The following DCHS2 variants were observed in gnomAD, a reference collection of about 807,000 sequenced individuals.
DCHS2 encodes dachsous cadherin-related 2.
DCHS2 carries 142 observed loss-of-function variants against 182.4 expected under a neutral mutation model. The ratio of observed to expected loss-of-function variants is 0.78; its 90% CI spans 0.68 to 0.89. DCHS2 has a LOEUF of 0.89. DCHS2 is among the 40% of genes least tolerant of loss of function. The pLI is 0.00. For synonymous variants in DCHS2, 1,740 were observed against 1,663.3 expected (o/e 1.05, Z -1.12); for missense variants, 4,319 against 4,198.6 (o/e 1.03, Z -0.79).
intron 1 of DCHS2, among the ~76,000 whole-genome samples, chr4:154,408,125 C>G (rs1306830919): frequency 2.0e-5 from 3 of 152,124 alleles, no homozygotes; most frequent in African/African-American, 7.2e-5. Flanking sequence ...AAAGTTAATA[C>G]TAATATAACT....
intron 3 of DCHS2, chr4:154,354,624 G>A (rs1729775778): frequency 6.6e-6 from 1 of 152,134 alleles, no homozygotes; most frequent in South Asian, 2.1e-4. Context: ...GGACACTGCT[G>A]CCAGAATAAT....
At chr4:154,290,515 A>G (rs1413869057) in intron 13 of DCHS2, among the ~76,000 whole-genome samples, 1 of 152,154 alleles carries the variant, frequency 6.6e-6, no homozygotes, top group Non-Finnish European at 1.5e-5. Context: ...AACAAAGGGA[A>G]TCACATTACC....
chr4:154,317,127 G>A (rs1487251617), intron 9 of DCHS2, among the ~76,000 whole-genome samples: 1 of 152,118 alleles, frequency 6.6e-6, no homozygotes, highest in Non-Finnish European at 1.5e-5. Flanking sequence ...AGTTTTGTGA[G>A]AGAAAAAAAT....
At chr4:154,280,488 A>T (rs1205893223) in intron 13 of DCHS2, among the ~76,000 whole-genome samples, 1 of 152,260 alleles carries the variant, frequency 6.6e-6, no homozygotes, top group African/African-American at 2.4e-5. Context: ...AATACTAGCA[A>T]ACATAATTCA....
intron 13 of DCHS2, among the ~76,000 whole-genome samples, chr4:154,293,737 C>G (rs1310297321): frequency 6.6e-6 from 1 of 152,202 alleles, no homozygotes; most frequent in African/African-American, 2.4e-5. Context: ...GAGCTTTCTA[C>G]AACGTCAAGT....
chr4:154,391,318 T>A (rs936963385), intron 1 of DCHS2: 1 of 1,565,344 alleles, frequency 6.4e-7, no homozygotes, highest in African/African-American at 1.4e-5. Context: ...ATCTCCTATA[T>A]GAGGGTAGCT....
chr4:154,313,210 T>C (rs1167881396), intron 10 of DCHS2, among the ~76,000 whole-genome samples: 2 of 152,192 alleles, frequency 1.3e-5, no homozygotes. Context: ...GGAAGGGCAC[T>C]GCAGGGGGAG....
At position 154,391,041 on chromosome 4, in the gene DCHS2, T is replaced by C. The variant is rs548352937; in HGVS notation, c.2053-13597A>G. On this transcript the variant is annotated intron_variant, in intron 1 of 19. Transcript: ENST00000357232. ...GAGAGGATCCTAGCTAAGTATTTCT[T>C]CCAAGGCTTTATTTCCCTGAAGCTC... The C allele has an allele frequency of 5.0e-6, 4 of 802,174 alleles. No individual in the cohort carries two copies. The East Asian group carries it at 8.1e-5, about 16-fold the overall frequency. 49.7% of individuals were successfully genotyped at this position (802,174 alleles called of 1,614,324 possible).
At chr4:154,352,705 C>T (rs1332416892) in intron 3 of DCHS2, among the ~76,000 whole-genome samples, 1 of 152,184 alleles carries the variant, frequency 6.6e-6, no homozygotes, top group Non-Finnish European at 1.5e-5. Flanking sequence ...CTCATAAATG[C>T]TTCAATAAAT....
chr4:154,471,672 A>T (rs1024431174), intron 1 of DCHS2, among the ~76,000 whole-genome samples: 1 of 152,066 alleles, frequency 6.6e-6, no homozygotes, highest in Non-Finnish European at 1.5e-5. Flanking sequence ...CCTCAAAACT[A>T]AAGTCGCATT....
chr4:154,271,903 C>T (rs150928383), intron 13 of DCHS2, among the ~76,000 whole-genome samples: 11 of 152,002 alleles, frequency 7.2e-5, no homozygotes, highest in Admixed American at 2.0e-4. Context: ...AGAATATATT[C>T]GACACCTCAA....
intron 13 of DCHS2, among the ~76,000 whole-genome samples, chr4:154,277,955 C>T (rs1292671708): frequency 2.0e-5 from 3 of 151,172 alleles, no homozygotes; most frequent in Admixed American, 6.6e-5. Context: ...GCAGGAGAAT[C>T]GCTGGAACGC....
intron 16 of DCHS2, among the ~76,000 whole-genome samples, chr4:154,245,938 C>T (rs1282456788): frequency 1.3e-5 from 2 of 152,106 alleles, no homozygotes; most frequent in African/African-American, 4.8e-5. Context: ...TCAAAATGCA[C>T]CAATCTGGTG....
intron 3 of DCHS2, among the ~76,000 whole-genome samples, chr4:154,353,986 G>T (rs1260008289): frequency 6.6e-6 from 1 of 152,130 alleles, no homozygotes; most frequent in Non-Finnish European, 1.5e-5. Flanking sequence ...GAGTGCAGTG[G>T]TGTGATCTCA....
chr4:154,280,002 G>A (rs1734054627), intron 13 of DCHS2, among the ~76,000 whole-genome samples: 1 of 148,876 alleles, frequency 6.7e-6, no homozygotes, highest in Non-Finnish European at 1.5e-5. Context: ...GACAGAGAAA[G>A]AGAGAGAGAG....
chr4:154,436,895 A>G (rs114452935), intron 1 of DCHS2, among the ~76,000 whole-genome samples: 813 of 152,362 alleles, frequency 5.3e-3, no homozygotes, highest in Non-Finnish European at 9.5e-3. Context: ...AATGTCTTCC[A>G]TCGATTACAT....
rs190750998 is a variant in DCHS2, at chr4:154,253,067, T to C, written c.6941+2452A>G. ...AAATATCAAGAAAAGCACTAAAGGA[T>C]AGAAGCCATGCCACAGCAGGTGTTG... On this transcript the variant is annotated intron_variant, in intron 16 of 19. Transcript: ENST00000357232. Among the ~76,000 whole-genome samples, 163 of 127,268 alleles carry C rather than the reference T, an allele frequency of 1.3e-3. 1 individual carries two copies. Among genetic ancestry groups the C allele is most frequent in the African/African-American group, 4.5e-3 (152 of 33,644 alleles). The allele number at this position is 127,268 out of a possible 152,430, so 83.5% of individuals were successfully genotyped here. A position where few individuals can be genotyped will look rare whatever the true frequency, so the allele number is the denominator to read the frequency against.
chr4:154,410,574 C>CAAAAAAAA (rs1160670540), intron 1 of DCHS2, among the ~76,000 whole-genome samples: 11 of 35,364 alleles, frequency 3.1e-4, no homozygotes, highest in African/African-American at 9.2e-4. Context: ...GACTCCATCT[C>CAAAAAAAA]AAAAAAAAAA....
At chr4:154,329,483 T>C (rs1406777411) in intron 6 of DCHS2, 40 bp downstream of exon 6, 20 of 1,581,522 alleles carry the variant, frequency 1.3e-5, no homozygotes, top group Non-Finnish European at 1.6e-5. Context: ...AACAAATGAC[T>C]TAAGATATTA....
Sources: gnomAD v4.1 joint callset for allele counts (sites outside exome capture counted in the v4.1 genomes callset) on GRCh38, gnomAD v4.1.1 for gene constraint, MANE v1.5 for transcripts, NCBI Gene and HGNC (gene_info 2026-07-23, HGNC 2026-07-21) for gene names.